The following DMWD variants were observed in gnomAD, a reference collection of about 807,000 sequenced individuals.
The protein encoded by DMWD is dystrophia myotonica WD repeat-containing protein.
A neutral mutation model predicts 45.8 loss-of-function variants in DMWD; 19 were observed. The ratio of observed to expected loss-of-function variants is 0.41; its 90% confidence interval spans 0.29 to 0.61. The LOEUF (loss-of-function observed/expected upper bound fraction) is 0.61, where lower values mean the gene tolerates loss of function less well. Among genes scored for constraint, DMWD ranks in the 20% least tolerant of loss-of-function variants. The pLI, the probability that DMWD is intolerant of heterozygous loss-of-function variation, is 0.25. For synonymous variants in DMWD, 515 were observed against 440.5 expected (o/e 1.17, Z -2.12); for missense variants, 802 against 965.2 (o/e 0.83, Z 2.24).
In DMWD at chr19:45,786,842, A is replaced by G. The variant is rs1320050199; in HGVS notation, c.654T>C (p.Tyr218=). The change falls in exon 3 of 5, where the codon TAT becomes TAC. Residue 218 remains tyrosine, a synonymous_variant. Coordinates refer to ENST00000270223, the MANE Select transcript of DMWD (RefSeq NM_004943.2). ...ERLIDKTKVT[Y]LKWLPESESL... ...TCTCCGACTCAGGCAGCCACTTCAG[A>G]TATGTCACCTTGGTCTTGTCGATCA... 2 of 1,613,946 alleles carry G rather than the reference A, an allele frequency of 1.2e-6. No individual in the cohort carries two copies. Among genetic ancestry groups the G allele is most frequent in the African/African-American group, 2.7e-5 (2 of 74,930 alleles).
chr19:45,789,811 T>C (rs1042880100), intron 2 of DMWD: 3 of 151,770 alleles, frequency 2.0e-5, no homozygotes, highest in African/African-American at 7.3e-5. Context: ...AGGTCAGGTG[T>C]TTGAGACCAG....
In DMWD at chr19:45,784,125, T is replaced by C. The variant is rs1273920720; in HGVS notation, c.*118A>G. On this transcript the variant is annotated 3_prime_UTR_variant, in exon 5 of 5. Coordinates refer to ENST00000270223, the MANE Select transcript of DMWD (RefSeq NM_004943.2). ...CCAAATTTTGTGCAGGTGGGGGGAC[T>C]GGAGCAGTCCATCCATCATGGTTAG... The C allele has an allele frequency of 1.1e-6, 1 of 927,742 alleles. No homozygotes were observed. Among genetic ancestry groups the C allele is most frequent in the East Asian group, 2.5e-5 (1 of 39,556 alleles). The allele number at this position is 927,742 out of a possible 1,614,324, so 57.5% of individuals were successfully genotyped here.
In DMWD at chr19:45,792,783, T is replaced by C. The variant is rs1344152184; in HGVS notation, c.-27A>G. On this transcript the variant is annotated 5_prime_UTR_variant, in exon 1 of 5. Coordinates refer to ENST00000270223, the MANE Select transcript of DMWD (RefSeq NM_004943.2). ...TTGGGCGCCCCCCGGGCCCCGCCAC[T>C]GCCGGACTGCCGCCCGCAGCCGGGC... is the stretch of plus-strand genomic sequence containing the variant. 1.8e-6 allele frequency: 2 copies of C among 1,106,910 alleles called. No individual in the cohort carries two copies. The highest frequency in any genetic ancestry group is 2.2e-6 in the Non-Finnish European group (2 of 908,702). The allele number at this position is 1,106,910 out of a possible 1,614,324, so 68.6% of individuals were successfully genotyped here.
chr19:45,789,022 T>C (rs1970320689), intron 2 of DMWD, among the ~76,000 whole-genome samples: 1 of 151,964 alleles, frequency 6.6e-6, no homozygotes, highest in Non-Finnish European at 1.5e-5. Flanking sequence ...TAGTGAGGGC[T>C]TTCCTGACCA....
At position 45,792,699 on chromosome 19, in the gene DMWD, C is replaced by T. The variant is rs1272527090; in HGVS notation, c.58G>A (p.Ala20Thr). Residue 20 changes from alanine (A) to threonine (T), a missense_variant, in exon 1 of 5, where the codon GCG becomes ACG. Physicochemically the swap from Ala to Thr is moderately conservative, Grantham distance 58. Coordinates refer to ENST00000270223, the MANE Select transcript of DMWD (RefSeq NM_004943.2). ...GTGCGGAATTGCGACTTAATCTCCGCGCAGTCCCCCATGGCGGCGCCGGGG... is the reference window on the plus strand; with the variant it reads ...GTGCGGAATTGCGACTTAATCTCCGTGCAGTCCCCCATGGCGGCGCCGGGG... ...SGPGAAMGDC[A>T]EIKSQFRTRE... 1.5e-5 allele frequency: 19 copies of T among 1,264,420 alleles called. No individual in the cohort carries two copies. In the East Asian group the frequency reaches 4.0e-4, roughly 26 times the overall value. The allele number at this position is 1,264,420 out of a possible 1,614,324, so 78.3% of individuals were successfully genotyped here.
In DMWD at chr19:45,783,837, G is replaced by A; in HGVS notation, c.*406C>T. On this transcript the variant is annotated 3_prime_UTR_variant, in exon 5 of 5. Coordinates refer to ENST00000270223, the MANE Select transcript of DMWD (RefSeq NM_004943.2). ...TTCAAAAGCACAGACAATAGCAAGG[G>A]CAGCTGGGGTGGGGGCCGGGCGAGG... 2.2e-6 allele frequency: 1 copy of A among 464,412 alleles called. No individual in the cohort carries two copies. Among genetic ancestry groups the A allele is most frequent in the Non-Finnish European group, 3.7e-6 (1 of 266,776 alleles). The allele number at this position is 464,412 out of a possible 1,614,324, so 28.8% of individuals were successfully genotyped here.
Position 45,783,801 on chromosome 19 carries a change from A to G in DMWD, c.*442T>C. On this transcript the variant is annotated 3_prime_UTR_variant, in exon 5 of 5. Transcript: ENST00000270223. ...GGGAGGAACCTGAGGGGCTTCCATAATTTAACACTCTTCAAAAGCACAGAC... is the reference window on the plus strand; with the variant it reads ...GGGAGGAACCTGAGGGGCTTCCATAGTTTAACACTCTTCAAAAGCACAGAC... 2.1e-6 allele frequency: 1 copy of G among 468,466 alleles called. No homozygotes were observed. The highest frequency in any genetic ancestry group is 3.7e-6 in the Non-Finnish European group (1 of 269,390). 29.0% of individuals were successfully genotyped at this position (468,466 alleles called of 1,614,324 possible).
At position 45,785,881 on chromosome 19, in the gene DMWD, CCTT is replaced by C. The variant is rs776616640; in HGVS notation, c.1612_1614del (p.Lys538del). 7 of 1,605,146 alleles carry C rather than the reference CCTT, an allele frequency of 4.4e-6. No homozygotes were observed. Among genetic ancestry groups the C allele is most frequent in the African/African-American group, 1.3e-5 (1 of 74,926 alleles). On this transcript the variant is annotated inframe_deletion, in exon 3 of 5. Coordinates refer to ENST00000270223, the MANE Select transcript of DMWD (RefSeq NM_004943.2). ...CCCAGGCTGTGGTAGCGCTTGTGCT[CCTT>C]CTCTGCCCCCCGGTCCCGCCGCTCC...
At chr19:45,784,586 T>A (rs759914583) in intron 4 of DMWD, 55 bp downstream of exon 4, 1 of 1,613,256 alleles carries the variant, frequency 6.2e-7, no homozygotes, top group African/African-American at 1.3e-5. Flanking sequence ...GGAGCTCCCT[T>A]CTAACTTGGG....
chr19:45,785,562 G>T, intron 3 of DMWD, 32 bp downstream of exon 3: 1 of 1,446,490 alleles, frequency 6.9e-7, no homozygotes, highest in Non-Finnish European at 9.1e-7. Flanking sequence ...GGTCCTGCCA[G>T]GTCCCCGGCA....
At chr19:45,792,280 T>C in intron 1 of DMWD, 36 bp downstream of exon 1, 1 of 1,589,392 alleles carries the variant, frequency 6.3e-7, no homozygotes, top group South Asian at 1.1e-5. Context: ...CCTCCATCCT[T>C]TCAGCACCCA....
intron 2 of DMWD, 63 bp from the exon 3 acceptor site, chr19:45,786,934 G>T: frequency 6.5e-7 from 1 of 1,548,416 alleles, no homozygotes. Context: ...ACTTCTCCCC[G>T]ACCCAAAGTC....
rs760146638 is a variant in DMWD at position 45,785,816 on chromosome 19, ACCACTGCCACTGCCG to A, written c.1665_1679del (p.Ser557_Gly561del). The A allele has an allele frequency of 6.2e-6, 10 of 1,611,250 alleles. No individual in the cohort carries two copies. Among genetic ancestry groups the A allele is most frequent in the East Asian group, 2.2e-5 (1 of 44,866 alleles). On this transcript the variant is annotated inframe_deletion, in exon 3 of 5. Transcript: ENST00000270223. ...GAACAGGGCCGCTGGGCTTCTCCCC[ACCACTGCCACTGCCG>A]CCACTGCCACCCCGGCTGATGTTGC...
intron 2 of DMWD, 111 bp downstream of exon 2, chr19:45,790,794 T>A (rs749616403): frequency 9.5e-6 from 12 of 1,260,010 alleles, no homozygotes; most frequent in Non-Finnish European, 3.3e-6. Flanking sequence ...CATCTCTCCC[T>A]GGTCCTGCCC....
chr19:45,792,595 C>T lies in DMWD; in HGVS notation c.162G>A (p.Val54=). 7.6e-7 allele frequency: 1 copy of T among 1,308,062 alleles called. No homozygotes were observed. Among genetic ancestry groups the T allele is most frequent in the South Asian group, 1.7e-5 (1 of 59,438 alleles). The allele number at this position is 1,308,062 out of a possible 1,614,324, so 81.0% of individuals were successfully genotyped here. A position where few individuals can be genotyped will look rare whatever the true frequency, so the allele number is the denominator to read the frequency against. The change falls in exon 1 of 5, where the codon GTG becomes GTA. Residue 54 remains valine, a synonymous_variant. Transcript: ENST00000270223. ...GCGGGGGCTGCGGTGGCTGAGGCGG[C>T]ACCGGAGTCTGGGCGGAAGCCGGAC... The part of the protein sequence containing the change: ...RSGPASAQTP[V]PPQPPQPPPG...
intron 2 of DMWD, 75 bp downstream of exon 2, chr19:45,790,830 G>A (rs757008905): frequency 1.1e-5 from 16 of 1,512,428 alleles, no homozygotes; most frequent in Non-Finnish European, 1.3e-5. Flanking sequence ...TGTTCCGCAG[G>A]CAGCTGCATC....
chr19:45,791,181 G>A, intron 1 of DMWD, 94 bp from the exon 2 acceptor site: 1 of 1,340,740 alleles, frequency 7.5e-7, no homozygotes, highest in Non-Finnish European at 1.0e-6. Context: ...GAGGAAGCAG[G>A]GTTAGAACCC....
chr19:45,785,573 G>A, intron 3 of DMWD, 21 bp downstream of exon 3: 1 of 1,457,536 alleles, frequency 6.9e-7, no homozygotes, highest in Non-Finnish European at 9.1e-7. Context: ...GTCCCCGGCA[G>A]GCTGGTGTGG....
At position 45,784,268 on chromosome 19, in the gene DMWD, T is replaced by A; in HGVS notation, c.2000A>T (p.Asn667Ile). 1 of 1,516,032 alleles carries A rather than the reference T, an allele frequency of 6.6e-7. No individual in the cohort carries two copies. The highest frequency in any genetic ancestry group is 2.3e-5 in the East Asian group (1 of 42,598). 93.9% of individuals were successfully genotyped at this position (1,516,032 alleles called of 1,614,324 possible). A position where few individuals can be genotyped will look rare whatever the true frequency, so the allele number is the denominator to read the frequency against. ...VVEGISSQPG[N>I]SPSGTVV ...TCACACCACTGTGCCACTCGGGGAG[T>A]TGCCTGGTTGGGAGGAGATGCCCTG... Residue 667 changes from asparagine (N) to isoleucine (I), a missense_variant, in exon 5 of 5, where the codon AAC (asparagine) becomes ATC (isoleucine). Asn to Ile is a moderately radical substitution (Grantham distance 149). This residue lies in a region of DMWD where 303 missense variants were observed against 332.9 expected (regional missense o/e 0.91). Coordinates refer to ENST00000270223, the MANE Select transcript of DMWD (RefSeq NM_004943.2).
Sources: allele counts gnomAD v4.1 joint callset (sites outside exome capture counted in the v4.1 genomes callset), GRCh38; gene constraint gnomAD v4.1.1; regional missense constraint gnomAD v4.1.1; transcripts MANE v1.5; gene names NCBI Gene and HGNC (gene_info 2026-07-23, HGNC 2026-07-21).